Variants in MAGI2 observed in about 807,000 individuals in gnomAD.
MAGI2 encodes the protein membrane-associated guanylate kinase, WW and PDZ domain-containing protein 2.
In MAGI2, 35 loss-of-function variants were observed where a neutral mutation model predicts 133.3. The ratio of observed to expected loss-of-function variants is 0.26; its 90% CI spans 0.20 to 0.35. The LOEUF (loss-of-function observed/expected upper bound fraction) is 0.35. MAGI2 is among the 10% of genes least tolerant of loss of function. The pLI is 1.00. For missense variants in MAGI2, 1,636 were observed against 1,863.4 expected (o/e 0.88, Z 2.25); for synonymous variants, 729 against 710.6 (o/e 1.03, Z -0.41).
intron 6 of MAGI2, among the ~76,000 whole-genome samples, chr7:78,483,706 G>T (rs1036302962): frequency 6.6e-6 from 1 of 151,708 alleles, no homozygotes; most frequent in East Asian, 1.9e-4. Context: ...GACTGGAAAG[G>T]GCACTATATT....
chr7:78,140,518 T>C (rs1229458661), intron 16 of MAGI2, among the ~76,000 whole-genome samples: 11 of 152,184 alleles, frequency 7.2e-5, no homozygotes, highest in Non-Finnish European at 1.6e-4. Context: ...AGGCAATCGA[T>C]AGCATAAACT....
At chr7:78,425,727 G>T (rs988249651) in intron 6 of MAGI2, among the ~76,000 whole-genome samples, 1 of 152,138 alleles carries the variant, frequency 6.6e-6, no homozygotes, top group African/African-American at 2.4e-5. Context: ...GGGCAATAAA[G>T]GCATCTGAGA....
chr7:79,188,578 A>G (rs892176911), intron 1 of MAGI2, among the ~76,000 whole-genome samples: 2 of 151,824 alleles, frequency 1.3e-5, no homozygotes, highest in African/African-American at 4.8e-5. Flanking sequence ...CAGTGCTGCA[A>G]TGAACATATG....
chr7:78,422,580 C>CAAAAAAAAAAAAAA (rs11441295), intron 6 of MAGI2, among the ~76,000 whole-genome samples: 1 of 112,884 alleles, frequency 8.9e-6, no homozygotes. Flanking sequence ...TGTGTAAAGG[C>CAAAAAAAAAAAAAA]AAAAAAAAAA....
chr7:78,592,828 C>CT (rs10675572), intron 3 of MAGI2, among the ~76,000 whole-genome samples: 1,245 of 106,734 alleles, frequency 0.012, 62 homozygotes, highest in African/African-American at 0.039. Flanking sequence ...TACTGATTCT[C>CT]TTTTTTTTTT....
At chr7:78,720,546 C>T (rs1820163857) in intron 2 of MAGI2, among the ~76,000 whole-genome samples, 1 of 151,524 alleles carries the variant, frequency 6.6e-6, no homozygotes, top group Admixed American at 6.6e-5. Flanking sequence ...AAATATTATT[C>T]ATTACATGTC....
intron 3 of MAGI2, among the ~76,000 whole-genome samples, chr7:78,626,276 T>TAC (rs1808332770): frequency 6.6e-6 from 1 of 152,188 alleles, no homozygotes; most frequent in Non-Finnish European, 1.5e-5. Flanking sequence ...ATTATATATA[T>TAC]ACACAGATAC....
At chr7:78,566,521 A>G (rs903995361) in intron 3 of MAGI2, among the ~76,000 whole-genome samples, 2 of 139,608 alleles carry the variant, frequency 1.4e-5, no homozygotes, top group African/African-American at 5.4e-5. Context: ...AGGGCTATCA[A>G]CAGACACAGT....
chr7:78,333,864 G>A (rs907164036), intron 9 of MAGI2, among the ~76,000 whole-genome samples: 5 of 152,190 alleles, frequency 3.3e-5, no homozygotes, highest in African/African-American at 9.7e-5. Context: ...GAGTGAGATC[G>A]CAGAATCATG....
chr7:78,719,930 A>AT (rs1172776225), intron 2 of MAGI2, among the ~76,000 whole-genome samples: 3 of 152,136 alleles, frequency 2.0e-5, no homozygotes, highest in African/African-American at 7.2e-5. Context: ...ACTTTATATA[A>AT]TTTATCATCT....
intron 1 of MAGI2, among the ~76,000 whole-genome samples, chr7:79,228,353 G>GAAAAAAAAAAA (rs1831044112): frequency 1.7e-4 from 1 of 5,812 alleles, no homozygotes. Context: ...AAAAAAACAG[G>GAAAAAAAAAAA]CAAAAAAAAA....
At chr7:79,445,012 A>G (rs1354393139) in intron 1 of MAGI2, among the ~76,000 whole-genome samples, 3 of 152,234 alleles carry the variant, frequency 2.0e-5, no homozygotes, top group Admixed American at 6.5e-5. Flanking sequence ...ATAATGCCGC[A>G]TATCTACAAC....
At chr7:79,354,398 T>G (rs1229892307) in intron 1 of MAGI2, 1 of 152,352 alleles carries the variant, frequency 6.6e-6, no homozygotes, top group Non-Finnish European at 1.5e-5. Context: ...CCTCTAGTTC[T>G]ATGCAGACCT....
At chr7:78,726,662 C>T (rs323131) in intron 2 of MAGI2, among the ~76,000 whole-genome samples, 145,780 of 152,256 alleles carry the variant, frequency 0.96, 69,823 homozygotes, top group East Asian at 1. Flanking sequence ...ACAGAGAATA[C>T]TTCTCCCAAG....
intron 1 of MAGI2, among the ~76,000 whole-genome samples, chr7:79,335,992 A>G (rs918095080): frequency 6.6e-6 from 1 of 152,108 alleles, no homozygotes; most frequent in East Asian, 1.9e-4. Context: ...AGCACTTAAC[A>G]TAGAGTAGAC....
intron 12 of MAGI2, among the ~76,000 whole-genome samples, chr7:78,190,429 A>G (rs758269130): frequency 1.3e-5 from 2 of 152,220 alleles, no homozygotes; most frequent in Non-Finnish European, 2.9e-5. Flanking sequence ...AATGATGATT[A>G]TTCCTTGAAT....
intron 6 of MAGI2, among the ~76,000 whole-genome samples, chr7:78,474,620 T>A (rs935340035): frequency 4.6e-5 from 7 of 152,072 alleles, no homozygotes; most frequent in African/African-American, 1.7e-4. Flanking sequence ...CAAAATTCTC[T>A]GTACAAAATA....
At chr7:78,969,328 G>A (rs897190927) in intron 2 of MAGI2, among the ~76,000 whole-genome samples, 3 of 151,974 alleles carry the variant, frequency 2.0e-5, no homozygotes, top group South Asian at 2.1e-4. Context: ...AATCGATAGC[G>A]TTCCGCCCAA....
intron 10 of MAGI2, among the ~76,000 whole-genome samples, chr7:78,244,717 G>A (rs1020267156): frequency 4.6e-5 from 7 of 152,026 alleles, no homozygotes; most frequent in Non-Finnish European, 4.4e-5. Flanking sequence ...TAATATGATT[G>A]AACATAGTTT....
Sources: gnomAD v4.1 joint callset for allele counts (sites outside exome capture counted in the v4.1 genomes callset) on GRCh38, gnomAD v4.1.1 for gene constraint, MANE v1.5 for transcripts, NCBI Gene and HGNC (gene_info 2026-07-23, HGNC 2026-07-21) for gene names.